TC2N: variants seen among roughly 807,000 people sequenced by gnomAD.
The protein encoded by TC2N is tandem C2 domains, nuclear.
In TC2N, 51 loss-of-function variants were observed where a neutral mutation model predicts 61.9. That is an observed-to-expected ratio of 0.82 (90% CI 0.66 to 1.04). The LOEUF is 1.04. TC2N is among the 50% of genes least tolerant of loss of function. TC2N has a pLI of 0.00. For missense variants in TC2N, 556 were observed against 566.7 expected, an observed-to-expected ratio of 0.98 and a Z score of 0.19; for synonymous variants, 204 against 192.6, an observed-to-expected ratio of 1.06 and a Z score of -0.49.
intron 1 of TC2N, among the ~76,000 whole-genome samples, chr14:91,835,155 G>C (rs778630006): frequency 2.6e-5 from 4 of 152,054 alleles, no homozygotes; most frequent in South Asian, 4.1e-4. Context: ...TTTCATGAAG[G>C]GTTAAACAAA....
chr14:91,818,944 T>C (rs1887125639), intron 1 of TC2N, among the ~76,000 whole-genome samples: 1 of 151,770 alleles, frequency 6.6e-6, no homozygotes, highest in Non-Finnish European at 1.5e-5. Context: ...AGACTGGGGA[T>C]AGGGGGGAGG....
chr14:91,796,846 T>C (rs539184853), intron 8 of TC2N, among the ~76,000 whole-genome samples: 1 of 152,134 alleles, frequency 6.6e-6, no homozygotes, highest in African/African-American at 2.4e-5. Flanking sequence ...AGTACTGTTA[T>C]GGTAGCCCTA....
Position 91,802,543 on chromosome 14 carries a change from T to C in TC2N, c.302-122A>G, listed in dbSNP as rs9323867. 0.046 allele frequency: 37,126 copies of C among 802,974 alleles called. 2,007 individuals are homozygous for C. Among genetic ancestry groups the C allele is most frequent in the African/African-American group, 0.22 (12,468 of 56,406 alleles). 49.7% of individuals were successfully genotyped at this position (802,974 alleles called of 1,614,324 possible). On this transcript the variant is annotated intron_variant, in intron 3 of 11. Coordinates refer to ENST00000435962, the MANE Select transcript of TC2N (RefSeq NM_001128596.3). ...TCAAGTAATACTAAATCACATGTCT[T>C]TGATAGCTAAAAAGATCAGCACATA...
chr14:91,861,986 T>C (rs950948259), intron 1 of TC2N, among the ~76,000 whole-genome samples: 3 of 151,862 alleles, frequency 2.0e-5, no homozygotes, highest in African/African-American at 7.2e-5. Flanking sequence ...ATATATGCAT[T>C]GCATCTGACT....
chr14:91,790,146 C>A (rs1398455270), intron 9 of TC2N, among the ~76,000 whole-genome samples: 1 of 152,150 alleles, frequency 6.6e-6, no homozygotes, highest in Non-Finnish European at 1.5e-5. Context: ...ATTGAGGCAG[C>A]CGTAAGATAA....
Position 91,802,298 on chromosome 14 carries a change from C to G in TC2N, c.425G>C (p.Arg142Pro), listed in dbSNP as rs536300405. The G allele has an allele frequency of 1.9e-6, 3 of 1,602,552 alleles. No individual in the cohort carries two copies. The African/African-American group carries it at 4.0e-5, about 22-fold the overall frequency. The stretch of plus-strand genomic sequence containing the variant: ...CACTTCTGAACGGGGAGGAAAGCGT[C>G]GACTCAAATCAGGTGAAATGTGCTG... ...MYQHISPDLS[R>P]RFPPRSEVKR... Residue 142 changes from arginine to proline, a missense_variant, in exon 4 of 12, where the codon CGA (arginine) becomes CCA (proline). Transcript: ENST00000435962.
intron 5 of TC2N, among the ~76,000 whole-genome samples, chr14:91,799,863 A>G (rs10150102): frequency 0.024 from 3,629 of 152,200 alleles, 147 homozygotes; most frequent in African/African-American, 0.084. Flanking sequence ...CATCAAAATA[A>G]TTCTCAATTC....
At chr14:91,851,250 T>C (rs546990854) in intron 1 of TC2N, among the ~76,000 whole-genome samples, 8 of 152,332 alleles carry the variant, frequency 5.3e-5, no homozygotes, top group Non-Finnish European at 8.8e-5. Flanking sequence ...ATGCGAATTA[T>C]ATAATGAAGA....
chr14:91,808,262 T>G (rs935016070), intron 3 of TC2N, among the ~76,000 whole-genome samples: 3 of 152,220 alleles, frequency 2.0e-5, no homozygotes, highest in Non-Finnish European at 4.4e-5. Context: ...GTATACAGCA[T>G]AGTAACATAT....
At chr14:91,787,143 T>A (rs1595219237) in intron 10 of TC2N, among the ~76,000 whole-genome samples, 1 of 152,076 alleles carries the variant, frequency 6.6e-6, no homozygotes, top group East Asian at 1.9e-4. Context: ...ATATATATAT[T>A]TTTTACAATT....
In TC2N at chr14:91,837,626, G is replaced by A. The variant is rs76062271; in HGVS notation, c.-56-23801C>T. Among the ~76,000 whole-genome samples the A allele has an allele frequency of 6.8e-3, 1,032 of 152,298 alleles. 7 individuals carry two copies. Among genetic ancestry groups the A allele is most frequent in the Non-Finnish European group, 9.6e-3 (655 of 68,022 alleles). On this transcript the variant is annotated intron_variant, in intron 1 of 11. Coordinates refer to ENST00000435962, the MANE Select transcript of TC2N (RefSeq NM_001128596.3). The surrounding 1 kb of genome is among the most constrained non-coding windows in gnomAD (Gnocchi z 4.2). ...CCAGAGTGAGTTCTGTCCATCTCAA[G>A]GTCCTAGAGATGCTGCAGTGGGAGT...
Position 91,850,794 on chromosome 14 carries a change from G to A in TC2N, c.-57+16468C>T, listed in dbSNP as rs150974986. 5.9e-4 allele frequency among the ~76,000 whole-genome samples: 90 copies of A among 152,338 alleles called. 1 individual carries two copies. In the East Asian group the frequency reaches 0.017, roughly 29 times the overall value. On this transcript the variant is annotated intron_variant, in intron 1 of 11. Transcript: ENST00000435962. ...AAAAATACAAAAATTAGCCAGGTGT[G>A]GTGGCAGGAGCCTGTAATCCCAGCT...
intron 11 of TC2N, 69 bp from the exon 12 acceptor site, chr14:91,783,279 T>C: frequency 1.2e-6 from 1 of 821,190 alleles, no homozygotes; most frequent in South Asian, 1.8e-5. Context: ...GACAGTTAGT[T>C]ACTCTTACTG....
At chr14:91,822,965 T>C (rs1887324720) in intron 1 of TC2N, among the ~76,000 whole-genome samples, 1 of 151,950 alleles carries the variant, frequency 6.6e-6, no homozygotes, top group African/African-American at 2.4e-5. Context: ...TCCGCCTGCT[T>C]CAGCCTCCCA....
At chr14:91,849,158 A>C (rs149104646) in intron 1 of TC2N, among the ~76,000 whole-genome samples, 2 of 152,312 alleles carry the variant, frequency 1.3e-5, no homozygotes, top group East Asian at 3.9e-4. Context: ...TTTTAGTCTC[A>C]TCATGAGGAC....
intron 1 of TC2N, among the ~76,000 whole-genome samples, chr14:91,850,828 G>A (rs1038652311): frequency 1.3e-5 from 2 of 152,200 alleles, no homozygotes; most frequent in Admixed American, 6.5e-5. Flanking sequence ...CTACTCAGGA[G>A]TCTGAGAGAG....
chr14:91,799,407 T>C (rs1170013028), intron 5 of TC2N, among the ~76,000 whole-genome samples: 2 of 152,034 alleles, frequency 1.3e-5, no homozygotes, highest in Admixed American at 1.3e-4. Flanking sequence ...GAAAAACTTG[T>C]AAAGCAGCAA....
intron 9 of TC2N, among the ~76,000 whole-genome samples, chr14:91,791,790 A>G (rs1885669089): frequency 1.3e-5 from 2 of 152,130 alleles, no homozygotes; most frequent in Non-Finnish European, 2.9e-5. Flanking sequence ...CTTCAGAGTT[A>G]TTTCCCTTGA....
At chr14:91,803,428 C>CACACACACACAT (rs142304224) in intron 3 of TC2N, among the ~76,000 whole-genome samples, 2 of 147,168 alleles carry the variant, frequency 1.4e-5, no homozygotes, top group African/African-American at 5.0e-5. Flanking sequence ...CACACACACA[C>CACACACACACAT]ATATATATAT....
Sources: gnomAD v4.1 joint callset for allele counts (sites outside exome capture counted in the v4.1 genomes callset) on GRCh38, gnomAD v4.1.1 for gene constraint, Gnocchi (gnomAD v3.1) non-coding constraint, MANE v1.5 for transcripts, NCBI Gene and HGNC (gene_info 2026-07-23, HGNC 2026-07-21) for gene names.